PTPN9: variants seen among roughly 807,000 people sequenced by gnomAD.
The protein encoded by PTPN9 is tyrosine-protein phosphatase non-receptor type 9.
In PTPN9, 26 loss-of-function variants were observed where a neutral mutation model predicts 69.8. That is an observed-to-expected ratio of 0.37 (90% CI 0.27 to 0.52). The LOEUF (loss-of-function observed/expected upper bound fraction) is 0.52, where lower values mean the gene tolerates loss of function less well. PTPN9 is among the 20% of genes least tolerant of loss of function. PTPN9 has a pLI of 0.91. For missense variants in PTPN9, 549 were observed against 740.3 expected (o/e 0.74, Z 3.00); for synonymous variants, 274 against 272.5 (o/e 1.01, Z -0.05).
At chr15:75,489,781 T>C (rs1458418900) in intron 8 of PTPN9, among the ~76,000 whole-genome samples, 1 of 152,214 alleles carries the variant, frequency 6.6e-6, no homozygotes, top group Non-Finnish European at 1.5e-5. Context: ...TAGACATTTA[T>C]GTATACATAA....
intron 1 of PTPN9, among the ~76,000 whole-genome samples, chr15:75,567,060 G>A (rs1308115665): frequency 6.7e-6 from 1 of 149,156 alleles, no homozygotes; most frequent in Non-Finnish European, 1.5e-5. Context: ...CTGTCGCCCA[G>A]GCTGGAGTGC....
chr15:75,570,503 C>T (rs1036054845), intron 1 of PTPN9, among the ~76,000 whole-genome samples: 2 of 152,204 alleles, frequency 1.3e-5, no homozygotes, highest in African/African-American at 4.8e-5. Context: ...GGCACAGTGG[C>T]TCATGCCTGT....
chr15:75,511,924 A>G (rs529733150), intron 5 of PTPN9, among the ~76,000 whole-genome samples: 7 of 149,188 alleles, frequency 4.7e-5, no homozygotes, highest in South Asian at 2.1e-4. Flanking sequence ...TAGTGGCACG[A>G]TATCTGCTCA....
At chr15:75,550,815 T>G (rs1263676924) in intron 1 of PTPN9, among the ~76,000 whole-genome samples, 3 of 143,278 alleles carry the variant, frequency 2.1e-5, no homozygotes, top group East Asian at 2.1e-4. Context: ...AAATAAAAAG[T>G]TTTTTTTTCT....
At chr15:75,495,297 A>G (rs550883987) in intron 7 of PTPN9, among the ~76,000 whole-genome samples, 13 of 152,194 alleles carry the variant, frequency 8.5e-5, no homozygotes, top group Non-Finnish European at 1.5e-4. Flanking sequence ...CTAGAATGAA[A>G]GAAAAAGTTC....
chr15:75,572,459 G>A (rs755257363), intron 1 of PTPN9, among the ~76,000 whole-genome samples: 3 of 151,852 alleles, frequency 2.0e-5, no homozygotes, highest in African/African-American at 4.8e-5. Flanking sequence ...CCTGTAATCC[G>A]AGCACTTGGG....
In PTPN9 at chr15:75,579,140, A is replaced by T. The variant is rs2075188139; in HGVS notation, c.-364T>A. 1 of 155,196 alleles carries T rather than the reference A, an allele frequency of 6.4e-6. No homozygotes were observed. Among genetic ancestry groups the T allele is most frequent in the African/African-American group, 2.4e-5 (1 of 41,608 alleles). The allele number at this position is 155,196 out of a possible 1,614,324, so 9.6% of individuals were successfully genotyped here. ...AGAGCCGGGAGCGAAGGGTCGGCGG[A>T]AATTTCCCGAAGGCCGCCGACCCCC... On this transcript the variant is annotated 5_prime_UTR_variant, in exon 1 of 13. Transcript: ENST00000618819.
At chr15:75,578,596 C>T in intron 1 of PTPN9, 118 bp downstream of exon 1, 2 of 863,802 alleles carry the variant, frequency 2.3e-6, no homozygotes, top group Middle Eastern at 4.3e-4. Context: ...GCGAGCCGGG[C>T]ACGGGAGCGG....
In PTPN9 at chr15:75,544,481, G is replaced by A. The variant is rs377043901; in HGVS notation, c.64-17220C>T. On this transcript the variant is annotated intron_variant, in intron 1 of 12. Coordinates refer to ENST00000618819, the MANE Select transcript of PTPN9 (RefSeq NM_002833.4). ...GGAGTCCAAGTCTACAGTGAGCTGT[G>A]ATGATGCCACTGTGTTCCAGCCTGG... Among the ~76,000 whole-genome samples the A allele has an allele frequency of 4.6e-5, 7 of 152,288 alleles. No homozygotes were observed. The East Asian group carries it at 7.7e-4, about 17-fold the overall frequency.
chr15:75,556,447 G>A (rs372032841), intron 1 of PTPN9, among the ~76,000 whole-genome samples: 23 of 151,336 alleles, frequency 1.5e-4, no homozygotes, highest in East Asian at 7.7e-4. Flanking sequence ...GCACAATCTC[G>A]GCTCACTGCA....
At chr15:75,556,644 C>T (rs1471957623) in intron 1 of PTPN9, among the ~76,000 whole-genome samples, 2 of 151,884 alleles carry the variant, frequency 1.3e-5, no homozygotes, top group Non-Finnish European at 2.9e-5. Flanking sequence ...TCCCAAAGTG[C>T]TGGGATTCAG....
intron 7 of PTPN9, among the ~76,000 whole-genome samples, chr15:75,505,341 G>T (rs1300696209): frequency 6.7e-6 from 1 of 149,310 alleles, no homozygotes; most frequent in Non-Finnish European, 1.5e-5. Context: ...AGGGTCCTCT[G>T]CCTAGGAAAA....
At chr15:75,509,747 G>C (rs1429614093) in intron 5 of PTPN9, among the ~76,000 whole-genome samples, 1 of 152,138 alleles carries the variant, frequency 6.6e-6, no homozygotes, top group Non-Finnish European at 1.5e-5. Flanking sequence ...ACTTCTGGAA[G>C]CTGAGGCGGG....
In PTPN9 at chr15:75,547,559, G is replaced by A. The variant is rs1242051776; in HGVS notation, c.64-20298C>T. Among the ~76,000 whole-genome samples, 4 of 151,962 alleles carry A rather than the reference G, an allele frequency of 2.6e-5. No homozygotes were observed. The South Asian group carries it at 6.2e-4, about 24-fold the overall frequency. Reference sequence around the variant, plus strand: ...AAAGGAAACCTGCCTATGCTGTCTCGCATGATCAAATAACTGGCTATCCTT... The same window carrying A: ...AAAGGAAACCTGCCTATGCTGTCTCACATGATCAAATAACTGGCTATCCTT... On this transcript the variant is annotated intron_variant, in intron 1 of 12. Coordinates refer to ENST00000618819, the MANE Select transcript of PTPN9 (RefSeq NM_002833.4).
intron 5 of PTPN9, chr15:75,512,745 T>A (rs1426546989): frequency 3.9e-6 from 1 of 256,318 alleles, no homozygotes; most frequent in Non-Finnish European, 7.8e-6. Context: ...AAATATATAT[T>A]TTTAAAATCC....
intron 8 of PTPN9, among the ~76,000 whole-genome samples, chr15:75,485,105 G>C (rs2074666555): frequency 6.6e-6 from 1 of 152,054 alleles, no homozygotes; most frequent in African/African-American, 2.4e-5. Context: ...TGAGCTAATA[G>C]ACCACCTGCA....
intron 1 of PTPN9, 56 bp downstream of exon 1, chr15:75,578,658 G>A (rs2075184790): frequency 3.9e-6 from 5 of 1,269,234 alleles, no homozygotes; most frequent in South Asian, 4.3e-5. Context: ...GGCAGAGGCC[G>A]GCGTAGGCCT....
chr15:75,519,271 G>A (rs2074889648), intron 4 of PTPN9, among the ~76,000 whole-genome samples: 1 of 152,086 alleles, frequency 6.6e-6, no homozygotes, highest in Non-Finnish European at 1.5e-5. Flanking sequence ...ACCACACTTG[G>A]CTAATGTATT....
chr15:75,470,144 CT>C, intron 11 of PTPN9, 145 bp from the exon 12 acceptor site: 1 of 761,958 alleles, frequency 1.3e-6, no homozygotes, highest in Non-Finnish European at 2.1e-6. Flanking sequence ...ATAATTGCTT[CT>C]TTACTACAAA....
Sources: allele counts gnomAD v4.1 joint callset (sites outside exome capture counted in the v4.1 genomes callset), GRCh38; gene constraint gnomAD v4.1.1; transcripts MANE v1.5; gene names NCBI Gene and HGNC (gene_info 2026-07-23, HGNC 2026-07-21).